Variants in DPP10 observed in about 807,000 individuals in gnomAD.
DPP10 encodes the protein inactive dipeptidyl peptidase 10.
A neutral mutation model predicts 120.9 loss-of-function variants in DPP10; 33 were observed. The observed-to-expected ratio is 0.27, with a 90% CI of 0.21 to 0.37. DPP10 has a LOEUF of 0.37. DPP10 is among the 10% of genes least tolerant of loss of function. The pLI is 1.00. For missense variants in DPP10, 816 were observed against 942.8 expected (o/e 0.87, Z 1.76); for synonymous variants, 337 against 326.1 (o/e 1.03, Z -0.36).
At chr2:115,272,423 C>T (rs2105818436) in intron 1 of DPP10, among the ~76,000 whole-genome samples, 1 of 152,190 alleles carries the variant, frequency 6.6e-6, no homozygotes, top group South Asian at 2.1e-4. Flanking sequence ...ATGAATTCTT[C>T]AAATAATAAA....
chr2:115,390,942 C>G (rs1301906914), intron 3 of DPP10, among the ~76,000 whole-genome samples: 1 of 152,106 alleles, frequency 6.6e-6, no homozygotes, highest in Non-Finnish European at 1.5e-5. Context: ...AACTGGTAAC[C>G]TACACATAAG....
intron 1 of DPP10, among the ~76,000 whole-genome samples, chr2:114,760,288 C>T (rs1038535907): frequency 6.6e-6 from 1 of 152,170 alleles, no homozygotes. Flanking sequence ...AGGAAAATAC[C>T]TGGGAGAGTA....
chr2:115,814,794 G>T lies in DPP10; in HGVS notation c.1702G>T (p.Asp568Tyr). The T allele has an allele frequency of 6.5e-7, 1 of 1,539,706 alleles. No homozygotes were observed. The highest frequency in any genetic ancestry group is 8.9e-7 in the Non-Finnish European group (1 of 1,128,696). ...GGTCCAATATGTTGGTATTTGCAGG[G>T]ATGAAGAACCAGGAGGCCAGCTGGT... is the stretch of plus-strand genomic sequence containing the variant. ...RNQYALLLIM[D>Y]EEPGGQLVTD... The change falls in exon 20 of 26, where the codon GAT (aspartate) becomes TAT (tyrosine). Residue 568 changes from aspartate to tyrosine, a missense_variant and splice_region_variant. Asp to Tyr is a radical substitution (Grantham distance 160). Coordinates refer to ENST00000410059, the MANE Select transcript of DPP10 (RefSeq NM_020868.6).
At chr2:114,735,567 C>T (rs1002239039) in intron 1 of DPP10, among the ~76,000 whole-genome samples, 3 of 151,860 alleles carry the variant, frequency 2.0e-5, no homozygotes, top group Admixed American at 1.3e-4. Flanking sequence ...TTCCTTTTTT[C>T]TAATGACCAA....
At chr2:114,906,621 T>C (rs1402533806) in intron 1 of DPP10, among the ~76,000 whole-genome samples, 1 of 152,108 alleles carries the variant, frequency 6.6e-6, no homozygotes, top group African/African-American at 2.4e-5. Context: ...GACCATGAGG[T>C]TATTGTTCTT....
intron 3 of DPP10, among the ~76,000 whole-genome samples, chr2:115,388,689 A>G (rs769260768): frequency 2.6e-5 from 4 of 152,182 alleles, no homozygotes; most frequent in Non-Finnish European, 4.4e-5. Context: ...TTCTCCTACT[A>G]GACTATAAAC....
At chr2:115,390,840 G>A (rs1373815867) in intron 3 of DPP10, among the ~76,000 whole-genome samples, 1 of 152,132 alleles carries the variant, frequency 6.6e-6, no homozygotes, top group African/African-American at 2.4e-5. Flanking sequence ...TGAATTAAGA[G>A]AGATCACATC....
At chr2:115,146,503 T>C (rs1256027657) in intron 1 of DPP10, among the ~76,000 whole-genome samples, 1 of 152,058 alleles carries the variant, frequency 6.6e-6, no homozygotes, top group Admixed American at 6.6e-5. Flanking sequence ...TAGGTGAATA[T>C]ATAGTTTTCT....
intron 1 of DPP10, among the ~76,000 whole-genome samples, chr2:114,605,547 A>T (rs1692715707): frequency 6.6e-6 from 1 of 152,126 alleles, no homozygotes; most frequent in Non-Finnish European, 1.5e-5. Flanking sequence ...ATGTCAATAG[A>T]CTGTTTATGT....
Position 114,702,797 on chromosome 2 carries a change from G to A in DPP10, c.60+259959G>A, listed in dbSNP as rs187203569. 1.7e-3 allele frequency among the ~76,000 whole-genome samples: 266 copies of A among 152,224 alleles called. 1 individual carries two copies. Among genetic ancestry groups the A allele is most frequent in the African/African-American group, 5.7e-3 (235 of 41,532 alleles). On this transcript the variant is annotated intron_variant, in intron 1 of 25. Coordinates refer to ENST00000410059, the MANE Select transcript of DPP10 (RefSeq NM_020868.6). Reference sequence around the variant, plus strand: ...TTTCCTAAGAACAGAGTATGGCTCTGAAATGGATGCTAACCTCAGACCAAC... The same window carrying A: ...TTTCCTAAGAACAGAGTATGGCTCTAAAATGGATGCTAACCTCAGACCAAC...
chr2:115,324,271 G>T (rs999401793), intron 2 of DPP10, among the ~76,000 whole-genome samples: 8 of 151,940 alleles, frequency 5.3e-5, no homozygotes, highest in African/African-American at 1.9e-4. Flanking sequence ...GCGACACTCC[G>T]TCTCAAAAAA....
intron 1 of DPP10, among the ~76,000 whole-genome samples, chr2:114,831,858 AT>A (rs202048925): frequency 1.0e-3 from 32 of 31,486 alleles, no homozygotes; most frequent in South Asian, 2.0e-3. Context: ...ATTAAAAAAA[AT>A]ATATATATAT....
chr2:114,862,161 T>A (rs898334539), intron 1 of DPP10, among the ~76,000 whole-genome samples: 1 of 152,072 alleles, frequency 6.6e-6, no homozygotes, highest in African/African-American at 2.4e-5. Context: ...AGGGAAGCAC[T>A]AGACAGAGAT....
chr2:115,682,339 T>C (rs1322784083), intron 5 of DPP10, among the ~76,000 whole-genome samples: 5 of 151,914 alleles, frequency 3.3e-5, no homozygotes, highest in African/African-American at 9.7e-5. Flanking sequence ...AAATATTGTA[T>C]TACAAACAGT....
At chr2:114,932,476 A>G (rs1696150917) in intron 1 of DPP10, among the ~76,000 whole-genome samples, 1 of 152,252 alleles carries the variant, frequency 6.6e-6, no homozygotes, top group South Asian at 2.1e-4. Context: ...TAAAAAGAAC[A>G]AATTTTTTAT....
intron 5 of DPP10, among the ~76,000 whole-genome samples, chr2:115,530,595 C>A (rs532217431): frequency 1.3e-5 from 2 of 151,956 alleles, no homozygotes; most frequent in South Asian, 4.2e-4. Context: ...GGAGGAGAAT[C>A]ACTTGAACCC....
intron 5 of DPP10, among the ~76,000 whole-genome samples, chr2:115,688,102 G>C (rs2149492480): frequency 6.6e-6 from 1 of 152,008 alleles, no homozygotes; most frequent in East Asian, 1.9e-4. Flanking sequence ...TGTCAGCTCT[G>C]GTAGTAAATT....
chr2:115,676,216 T>C (rs2090244406), intron 5 of DPP10, among the ~76,000 whole-genome samples: 1 of 152,180 alleles, frequency 6.6e-6, no homozygotes, highest in Non-Finnish European at 1.5e-5. Context: ...AGCAAACTTG[T>C]GCCATGGCAA....
intron 1 of DPP10, among the ~76,000 whole-genome samples, chr2:115,213,376 T>A (rs1241086591): frequency 6.6e-6 from 1 of 152,122 alleles, no homozygotes; most frequent in Non-Finnish European, 1.5e-5. Flanking sequence ...ATTCCCCATA[T>A]TTTTGCCCCA....
Sources: allele counts gnomAD v4.1 joint callset (sites outside exome capture counted in the v4.1 genomes callset), GRCh38; gene constraint gnomAD v4.1.1; transcripts MANE v1.5; gene names NCBI Gene and HGNC (gene_info 2026-07-23, HGNC 2026-07-21).